The following GPRIN1 variants were observed in gnomAD, a reference collection of about 807,000 sequenced individuals.
GPRIN1 encodes G protein regulated inducer of neurite outgrowth 1, also known as G protein-regulated inducer of neurite outgrowth 1.
GPRIN1 carries 4 observed loss-of-function variants against 2.8 expected under a neutral mutation model. That is an observed-to-expected ratio of 1.45 (90% CI 0.71 to 3.32). The LOEUF is 3.32. GPRIN1 is among the 30% of genes most tolerant of loss of function. GPRIN1 has a pLI of 0.01. For missense variants in GPRIN1, 1,322 were observed against 1,343.4 expected, an observed-to-expected ratio of 0.98 and a Z score of 0.25; for synonymous variants, 589 against 589.9, an observed-to-expected ratio of 1.00 and a Z score of 0.02.
chr5:176,598,946 C>CCTTTCCCGAGGGCCCAGGATCTCT lies in GPRIN1; in HGVS notation c.865_888dup (p.Arg289_Lys296dup), dbSNP rs1313856247. ...ATGCTTTCCAAGGGCATGGGATCTG[C>CCTTTCCCGAGGGCCCAGGATCTCT]CTTTCCCGAGGGCCCAGGATCTCTC... is the stretch of plus-strand genomic sequence containing the variant. On this transcript the variant is annotated inframe_insertion, in exon 2 of 2. Transcript: ENST00000303991. 19 of 1,614,112 alleles carry CCTTTCCCGAGGGCCCAGGATCTCT rather than the reference C, an allele frequency of 1.2e-5. No homozygotes were observed. The highest frequency in any genetic ancestry group is 2.2e-5 in the South Asian group (2 of 91,078).
At position 176,599,725 on chromosome 5, in the gene GPRIN1, GC is replaced by G; in HGVS notation, c.109del (p.Ala37LeufsTer6). 1.9e-6 allele frequency: 3 copies of G among 1,559,784 alleles called. No homozygotes were observed. The highest frequency in any genetic ancestry group is 1.2e-5 in the South Asian group (1 of 84,290). ...GTAATCCCTCATAGCCGAGCTGCCA[GC>G]CCCCAGGCTCCCATCCTGTGGGCAG... Reference protein sequence around the residue: ...FFCPQDGSLGAGSSAMRDYCP... With the variant: ...FFCPQDGSLGXGSSAMRDYCP... On this transcript the variant is annotated frameshift_variant, in exon 2 of 2. Coordinates refer to ENST00000303991, the MANE Select transcript of GPRIN1 (RefSeq NM_052899.3). LOFTEE classifies it low-confidence loss of function (END_TRUNC).
At position 176,598,350 on chromosome 5, in the gene GPRIN1, G is replaced by A. The variant is rs147157849; in HGVS notation, c.1485C>T (p.Gly495=). The change falls in exon 2 of 2, where the codon GGC becomes GGT. Residue 495 remains glycine (G), a synonymous_variant. Coordinates refer to ENST00000303991, the MANE Select transcript of GPRIN1 (RefSeq NM_052899.3). The stretch of plus-strand genomic sequence containing the variant: ...CTGCTGTCCCCAAGGACCTGGGATC[G>A]CCTGGACCTGAAGACACAGGGTTTG... ...GKTNPVSSGP[G]DPRSLGTAGP... is the part of the protein sequence containing the mutation. The A allele has an allele frequency of 2.4e-5, 38 of 1,613,772 alleles. No individual in the cohort carries two copies. The East Asian group carries it at 7.4e-4, about 31-fold the overall frequency.
In GPRIN1 at chr5:176,597,562, G is replaced by C; in HGVS notation, c.2273C>G (p.Thr758Ser). 1.9e-6 allele frequency: 3 copies of C among 1,579,818 alleles called. No homozygotes were observed. Among genetic ancestry groups the C allele is most frequent in the Non-Finnish European group, 2.6e-6 (3 of 1,169,800 alleles). Residue 758 changes from threonine to serine, a missense_variant, in exon 2 of 2, where the codon ACC (threonine) becomes AGC (serine). By Grantham distance (58) the Thr-to-Ser change is moderately conservative (BLOSUM62 1). This residue lies in a region of GPRIN1 where 1,117 missense variants were observed against 1,128.6 expected (regional missense o/e 0.99). Coordinates refer to ENST00000303991, the MANE Select transcript of GPRIN1 (RefSeq NM_052899.3). The surrounding 1 kb of genome is among the most constrained non-coding windows in gnomAD (Gnocchi z 6.1). The part of the protein sequence containing the change: ...VEPKAEPVSS[T>S]EASSLGQKDL... ...TTTCTGGCCGAGACTGGAGGCCTCGGTGCTGGACACGGGCTCGGCCTTCGG... is the reference window on the plus strand; with the variant it reads ...TTTCTGGCCGAGACTGGAGGCCTCGCTGCTGGACACGGGCTCGGCCTTCGG...
chr5:176,598,439 G>C lies in GPRIN1; in HGVS notation c.1396C>G (p.Pro466Ala). 2 of 1,613,584 alleles carry C rather than the reference G, an allele frequency of 1.2e-6. No homozygotes were observed. Among genetic ancestry groups the C allele is most frequent in the Non-Finnish European group, 1.7e-6 (2 of 1,179,608 alleles). Reference sequence around the variant, plus strand: ...GTCTTTCTACTTCCAGCAGATATGGGGTCCTCCCTTCTGGAGGACACCGGG... The same window carrying C: ...GTCTTTCTACTTCCAGCAGATATGGCGTCCTCCCTTCTGGAGGACACCGGG... ...EDPVSSRRED[P>A]ISAGSRKTSS... Residue 466 changes from proline (P) to alanine (A), a missense_variant, in exon 2 of 2, where the codon CCC becomes GCC. Physicochemically the swap from Pro to Ala is conservative, Grantham distance 27. Transcript: ENST00000303991.
At position 176,597,049 on chromosome 5, in the gene GPRIN1, A is replaced by G. The variant is rs1759050120; in HGVS notation, c.2786T>C (p.Met929Thr). The change falls in exon 2 of 2, where the codon ATG becomes ACG. Residue 929 changes from methionine to threonine, a missense_variant. By Grantham distance (81) the Met-to-Thr change is moderately conservative. This residue lies in a region of GPRIN1 where 196 missense variants were observed against 189.2 expected (regional missense o/e 1.04). Transcript: ENST00000303991. The surrounding 1 kb of genome is among the most constrained non-coding windows in gnomAD (Gnocchi z 6.1). Reference protein sequence around the residue: ...GMTWEVYGAAMEVEVLGMAIQ... With the variant: ...GMTWEVYGAATEVEVLGMAIQ... Reference sequence around the variant, plus strand: ...GGCCATGCCCAGCACCTCCACCTCCATGGCGGCGCCGTATACCTCCCACGT... The same window carrying G: ...GGCCATGCCCAGCACCTCCACCTCCGTGGCGGCGCCGTATACCTCCCACGT... The G allele has an allele frequency of 6.6e-6, 10 of 1,505,576 alleles. No individual in the cohort carries two copies. The highest frequency in any genetic ancestry group is 8.9e-6 in the Non-Finnish European group (10 of 1,124,772). 93.3% of individuals were successfully genotyped at this position (1,505,576 alleles called of 1,614,324 possible).
In GPRIN1 at chr5:176,596,982, G is replaced by A. The variant is rs1028846202; in HGVS notation, c.2853C>T (p.Arg951=). ...HLERQIEEHG[R]QGAPAPPPAA... Reference sequence around the variant, plus strand: ...CGGGCGGCGGCGCGGGCGCCCCTTGGCGGCCGTGCTCCTCGATCTGTCGCT... The same window carrying A: ...CGGGCGGCGGCGCGGGCGCCCCTTGACGGCCGTGCTCCTCGATCTGTCGCT... The change falls in exon 2 of 2, where the codon CGC becomes CGT. Residue 951 remains arginine (R), a synonymous_variant. Coordinates refer to ENST00000303991, the MANE Select transcript of GPRIN1 (RefSeq NM_052899.3). The surrounding 1 kb of genome is among the most constrained non-coding windows in gnomAD (Gnocchi z 5.2). 7 of 1,383,286 alleles carry A rather than the reference G, an allele frequency of 5.1e-6. No homozygotes were observed. Among genetic ancestry groups the A allele is most frequent in the Non-Finnish European group, 6.6e-6 (7 of 1,063,838 alleles). The allele number at this position is 1,383,286 out of a possible 1,614,324, so 85.7% of individuals were successfully genotyped here.
rs755020095 is a variant in GPRIN1, at chr5:176,599,462, T to C, written c.373A>G (p.Thr125Ala). ...ASISGTPEAT[T>A]SGKPEPVSSV... The stretch of plus-strand genomic sequence containing the variant: ...GACACAGGCTCTGGCTTCCCAGACG[T>C]GGTGGCTTCTGGTGTCCCTGAGATG... The change falls in exon 2 of 2, where the codon ACG becomes GCG. Residue 125 changes from threonine (T) to alanine (A), a missense_variant. By Grantham distance (58) the Thr-to-Ala change is moderately conservative. This residue lies in a region of GPRIN1 where 1,117 missense variants were observed against 1,128.6 expected (regional missense o/e 0.99). Transcript: ENST00000303991. 1.2e-6 allele frequency: 2 copies of C among 1,613,936 alleles called. No individual in the cohort carries two copies. Among genetic ancestry groups the C allele is most frequent in the South Asian group, 2.2e-5 (2 of 91,080 alleles).
chr5:176,602,722 C>A lies in GPRIN1; in HGVS notation c.-43-2845G>T, dbSNP rs556044725. On this transcript the variant is annotated intron_variant, in intron 1 of 1. Transcript: ENST00000303991. The surrounding 1 kb of genome is among the most constrained non-coding windows in gnomAD (Gnocchi z 4.4). ...GTCCTGAAGATGGTCCTGGGGTACA[C>A]AAGGGCATGGCTAGTGATGAGAACA... Among the ~76,000 whole-genome samples the A allele has an allele frequency of 3.0e-4, 46 of 152,256 alleles. No individual in the cohort carries two copies. The highest frequency in any genetic ancestry group is 1.1e-3 in the African/African-American group (46 of 41,524).
At position 176,598,857 on chromosome 5, in the gene GPRIN1, T is replaced by C. The variant is rs1759097332; in HGVS notation, c.978A>G (p.Ser326=). The C allele has an allele frequency of 1.9e-6, 3 of 1,613,870 alleles. No individual in the cohort carries two copies. The highest frequency in any genetic ancestry group is 2.5e-6 in the Non-Finnish European group (3 of 1,180,006). Residue 326 remains serine (S), a synonymous_variant, in exon 2 of 2, where the codon TCA becomes TCG. Transcript: ENST00000303991. The stretch of plus-strand genomic sequence containing the variant: ...CAGAGGATACAGGCCCATTCTTGCC[T>C]GATGAGCCTGGAATCAGCTTGCCCA... ...GLLGKLIPGS[S]GKNGPVSSGT...
chr5:176,598,860 T>G lies in GPRIN1; in HGVS notation c.975A>C (p.Ser325=), dbSNP rs1286433273. 4.3e-6 allele frequency: 7 copies of G among 1,613,678 alleles called. No homozygotes were observed. The African/African-American group carries it at 8.0e-5, about 18-fold the overall frequency. ...PGLLGKLIPG[S]SGKNGPVSSG... The stretch of plus-strand genomic sequence containing the variant: ...AGGATACAGGCCCATTCTTGCCTGA[T>G]GAGCCTGGAATCAGCTTGCCCAGGA... Residue 325 remains serine (S), a synonymous_variant, in exon 2 of 2, where the codon TCA becomes TCC. Transcript: ENST00000303991.
At position 176,599,652 on chromosome 5, in the gene GPRIN1, AGGGGTGTGCCT is replaced by A; in HGVS notation, c.172_182del (p.Arg58Ter). 6.4e-7 allele frequency: 1 copy of A among 1,552,618 alleles called. No homozygotes were observed. Among genetic ancestry groups the A allele is most frequent in the Non-Finnish European group, 8.7e-7 (1 of 1,150,424 alleles). On this transcript the variant is annotated frameshift_variant, in exon 2 of 2. Transcript: ENST00000303991. LOFTEE classifies it low-confidence loss of function (END_TRUNC). ...TAGACTCCATGCCTGGGCTTTGGTCAGGGGTGTGCCTGGGGGGTGCAGGGCTTGCCTTTTGC... is the reference window on the plus strand; with the variant it reads ...TAGACTCCATGCCTGGGCTTTGGTCAGGGGGGTGCAGGGCTTGCCTTTTGC...
Position 176,609,834 on chromosome 5 carries a change from C to T in GPRIN1, c.-44+165G>A, listed in dbSNP as rs890000847. Reference sequence around the variant, plus strand: ...GAGCCTGGAAACAGACACCCACCGCCCCCAGCCGCGCGCACACACCCGGGC... The same window carrying T: ...GAGCCTGGAAACAGACACCCACCGCTCCCAGCCGCGCGCACACACCCGGGC... On this transcript the variant is annotated intron_variant, in intron 1 of 1. Coordinates refer to ENST00000303991, the MANE Select transcript of GPRIN1 (RefSeq NM_052899.3). 2.0e-4 allele frequency among the ~76,000 whole-genome samples: 30 copies of T among 150,038 alleles called. 2 individuals are homozygous for T. Among genetic ancestry groups the T allele is most frequent in the Admixed American group, 1.9e-3 (29 of 15,158 alleles).
In GPRIN1 at chr5:176,602,170, G is replaced by A. The variant is rs1343478787; in HGVS notation, c.-43-2293C>T. Among the ~76,000 whole-genome samples the A allele has an allele frequency of 3.3e-5, 5 of 152,110 alleles. No homozygotes were observed. The highest frequency in any genetic ancestry group is 5.9e-5 in the Non-Finnish European group (4 of 68,032). ...AACACGCCTGCCTCCATGCCTTGGC[G>A]CTGCCTGCTTCTTCTGCATGGAGAG... On this transcript the variant is annotated intron_variant, in intron 1 of 1. Coordinates refer to ENST00000303991, the MANE Select transcript of GPRIN1 (RefSeq NM_052899.3). The surrounding 1 kb of genome is among the most constrained non-coding windows in gnomAD (Gnocchi z 4.4).
rs1009215166 is a variant in GPRIN1 at position 176,602,009 on chromosome 5, ACTC to A, written c.-43-2135_-43-2133del. On this transcript the variant is annotated intron_variant, in intron 1 of 1. Coordinates refer to ENST00000303991, the MANE Select transcript of GPRIN1 (RefSeq NM_052899.3). This position sits in a 1 kb window ranked among gnomAD's most constrained non-coding sequence, Gnocchi z 4.4. The stretch of plus-strand genomic sequence containing the variant: ...CCCATCCCATGCAAAGTAAAAGTAA[ACTC>A]CTTAGAATGGCTCAGAAGCCCCTGC... Among the ~76,000 whole-genome samples the A allele has an allele frequency of 6.6e-6, 1 of 151,844 alleles. No homozygotes were observed. Among genetic ancestry groups the A allele is most frequent in the African/African-American group, 2.4e-5 (1 of 41,328 alleles).
intron 1 of GPRIN1, among the ~76,000 whole-genome samples, chr5:176,609,580 A>C (rs2113357271): frequency 6.6e-6 from 1 of 152,204 alleles, no homozygotes; most frequent in African/African-American, 2.4e-5. Flanking sequence ...TGGAGCGTTG[A>C]GCTCGCTCCG....
At position 176,598,499 on chromosome 5, in the gene GPRIN1, C is replaced by T. The variant is rs1561886653; in HGVS notation, c.1336G>A (p.Gly446Arg). Residue 446 changes from glycine to arginine, a missense_variant, in exon 2 of 2, where the codon GGA becomes AGA. By Grantham distance (125) the Gly-to-Arg change is moderately radical. Transcript: ENST00000303991. ...CCTGGGGATACAGTTCCTGCCTTTC[C>T]CACAGACACACGCTCTGCCTGTCCA... ...SPGQAERVSV[G>R]KAGTVSPGKE... 6.2e-7 allele frequency: 1 copy of T among 1,614,152 alleles called. No homozygotes were observed. Among genetic ancestry groups the T allele is most frequent in the Non-Finnish European group, 8.5e-7 (1 of 1,180,028 alleles).
In GPRIN1 at chr5:176,609,773, C is replaced by CCCCCG. The variant is rs565734795; in HGVS notation, c.-44+221_-44+225dup. Among the ~76,000 whole-genome samples, 295 of 148,938 alleles carry CCCCCG rather than the reference C, an allele frequency of 2.0e-3. 1 individual carries two copies. Among genetic ancestry groups the CCCCCG allele is most frequent in the South Asian group, 5.3e-3 (25 of 4,710 alleles). The stretch of plus-strand genomic sequence containing the variant: ...GTTCGGCCCAGGGCTGCGGGACCCG[C>CCCCCG]CCCCGCCCCGCCCCGCCCCGCCCCG... On this transcript the variant is annotated intron_variant, in intron 1 of 1. Transcript: ENST00000303991.
intron 1 of GPRIN1, among the ~76,000 whole-genome samples, chr5:176,608,358 C>T (rs967908896): frequency 5.9e-5 from 9 of 152,270 alleles, no homozygotes; most frequent in East Asian, 1.9e-4. Context: ...CCTGTGGGAA[C>T]GCACACACCC....
intron 1 of GPRIN1, among the ~76,000 whole-genome samples, chr5:176,604,290 A>G (rs1759189691): frequency 6.6e-6 from 1 of 152,142 alleles, no homozygotes. Flanking sequence ...GCTGGAGTGG[A>G]GTCGGAAAGG....
Sources: gnomAD v4.1 joint callset for allele counts (sites outside exome capture counted in the v4.1 genomes callset) on GRCh38, gnomAD v4.1.1 for gene constraint, gnomAD v4.1.1 regional missense constraint, Gnocchi (gnomAD v3.1) non-coding constraint, MANE v1.5 for transcripts, NCBI Gene and HGNC (gene_info 2026-07-23, HGNC 2026-07-21) for gene names.